Variants in CTTNBP2 observed in about 807,000 individuals in gnomAD.
CTTNBP2 encodes the protein cortactin binding protein 2.
A neutral mutation model predicts 156.9 loss-of-function variants in CTTNBP2; 108 were observed. The observed-to-expected ratio is 0.69, with a 90% CI of 0.59 to 0.81. The LOEUF (loss-of-function observed/expected upper bound fraction) is 0.81. Ranked by LOEUF, CTTNBP2 falls within the 30% of genes least tolerant of loss-of-function variation. CTTNBP2 has a pLI of 0.00. For missense variants in CTTNBP2, 1,924 were observed against 2,035.4 expected (o/e 0.95, Z 1.05); for synonymous variants, 767 against 751.8 (o/e 1.02, Z -0.33).
At chr7:117,825,800 C>T (rs1362179428) in intron 2 of CTTNBP2, among the ~76,000 whole-genome samples, 1 of 152,128 alleles carries the variant, frequency 6.6e-6, no homozygotes, top group Non-Finnish European at 1.5e-5. Context: ...GGCTGGGTAC[C>T]TAAACAAATG....
At chr7:117,743,655 G>A (rs1179143792) in intron 14 of CTTNBP2, among the ~76,000 whole-genome samples, 7 of 150,780 alleles carry the variant, frequency 4.6e-5, no homozygotes, top group Admixed American at 1.3e-4. Flanking sequence ...CCAGCTACTC[G>A]GGAGGCTGAG....
intron 2 of CTTNBP2, among the ~76,000 whole-genome samples, chr7:117,856,853 T>C (rs1171419494): frequency 2.0e-5 from 3 of 152,196 alleles, no homozygotes; most frequent in African/African-American, 7.2e-5. Flanking sequence ...TTTATGATTA[T>C]AGCATTTTCA....
At position 117,724,594 on chromosome 7, in the gene CTTNBP2, C is replaced by T. The variant is rs986082186; in HGVS notation, c.4400G>A (p.Gly1467Asp). The T allele has an allele frequency of 3.1e-6, 5 of 1,614,076 alleles. No individual in the cohort carries two copies. The African/African-American group carries it at 5.3e-5, about 17-fold the overall frequency. ...ATTCCAGGTGGGTAAAGAGAAGCGG[C>T]CAGACTTCCTGCGAGGACTGGTGTT... ...KVNTSPRRKS[G>D]RFSLPTWNKP... Residue 1467 changes from glycine (G) to aspartate (D), a missense_variant, in exon 19 of 23, where the codon GGC becomes GAC. Transcript: ENST00000160373.
At chr7:117,869,012 C>A (rs926812452) in intron 1 of CTTNBP2, among the ~76,000 whole-genome samples, 19 of 152,198 alleles carry the variant, frequency 1.2e-4, no homozygotes, top group Admixed American at 2.6e-4. Context: ...CTCCTCCACA[C>A]CCCAATGGGT....
chr7:117,780,682 A>C, intron 6 of CTTNBP2, 91 bp from the exon 7 acceptor site: 1 of 687,014 alleles, frequency 1.5e-6, no homozygotes, highest in Admixed American at 3.2e-5. Flanking sequence ...AAAAGAAAGC[A>C]ATGTTGCATC....
chr7:117,866,888 A>G (rs1472962448), intron 1 of CTTNBP2, among the ~76,000 whole-genome samples: 4 of 152,194 alleles, frequency 2.6e-5, no homozygotes, highest in Non-Finnish European at 5.9e-5. Context: ...TTAATAGTGC[A>G]TGCCAATAAT....
intron 12 of CTTNBP2, among the ~76,000 whole-genome samples, chr7:117,749,272 C>G (rs1796499141): frequency 6.6e-6 from 1 of 152,114 alleles, no homozygotes; most frequent in Admixed American, 6.5e-5. Context: ...ATGTGTGGAC[C>G]ACCACTGGCT....
intron 20 of CTTNBP2, 44 bp from the exon 21 acceptor site, chr7:117,719,680 T>C (rs1398315304): frequency 2.6e-6 from 4 of 1,564,716 alleles, no homozygotes; most frequent in Non-Finnish European, 1.7e-6. Flanking sequence ...TGAGAACAAT[T>C]CCCAATTTGG....
Position 117,794,877 on chromosome 7 carries a change from C to T in CTTNBP2, c.415-2096G>A, listed in dbSNP as rs1426432678. The stretch of plus-strand genomic sequence containing the variant: ...TCATATACTGTTTTTATATGTATAT[C>T]TTTTTTTTTTTTTTTTTTTTTTTTT... On this transcript the variant is annotated intron_variant, in intron 3 of 22. Transcript: ENST00000160373. Among the ~76,000 whole-genome samples, 234 of 88,240 alleles carry T rather than the reference C, an allele frequency of 2.7e-3. 6 individuals carry two copies. Among genetic ancestry groups the T allele is most frequent in the African/African-American group, 8.5e-3 (161 of 18,926 alleles). The allele number at this position is 88,240 out of a possible 152,430, so 57.9% of individuals were successfully genotyped here.
At chr7:117,724,395 T>C (rs1306306593) in intron 19 of CTTNBP2, 152 bp downstream of exon 19, 5 of 645,536 alleles carry the variant, frequency 7.7e-6, no homozygotes, top group Non-Finnish European at 1.3e-5. Context: ...ATGTACCTAC[T>C]ATATAGTTTA....
At chr7:117,811,673 C>T (rs1427295789) in intron 2 of CTTNBP2, among the ~76,000 whole-genome samples, 6 of 151,996 alleles carry the variant, frequency 3.9e-5, no homozygotes, top group Non-Finnish European at 8.8e-5. Context: ...AAAATTATCT[C>T]TATATCGATA....
chr7:117,836,741 C>T (rs1801973569), intron 2 of CTTNBP2, among the ~76,000 whole-genome samples: 1 of 152,190 alleles, frequency 6.6e-6, no homozygotes, highest in Non-Finnish European at 1.5e-5. Flanking sequence ...AATTAATTCA[C>T]AGTTCCACGT....
At chr7:117,739,497 T>C (rs1795882893) in intron 14 of CTTNBP2, among the ~76,000 whole-genome samples, 1 of 152,220 alleles carries the variant, frequency 6.6e-6, no homozygotes. Context: ...CTCCTGCAGG[T>C]TGGTAATTTT....
At chr7:117,856,311 A>G (rs1584561417) in intron 2 of CTTNBP2, among the ~76,000 whole-genome samples, 1 of 152,142 alleles carries the variant, frequency 6.6e-6, no homozygotes, top group East Asian at 1.9e-4. Flanking sequence ...ATCCTGTTTT[A>G]AGCATGCTGA....
At chr7:117,795,186 C>T (rs34837926) in intron 3 of CTTNBP2, among the ~76,000 whole-genome samples, 6,603 of 134,824 alleles carry the variant, frequency 0.049, 463 homozygotes, top group African/African-American at 0.16. Flanking sequence ...GTGACGACCG[C>T]GCCCGGCCTA....
rs528764514 is a variant in CTTNBP2, at chr7:117,817,004, T to A, written c.190-6015A>T. Among the ~76,000 whole-genome samples, 16 of 151,994 alleles carry A rather than the reference T, an allele frequency of 1.1e-4. 1 individual carries two copies. The highest frequency in any genetic ancestry group is 3.9e-4 in the African/African-American group (16 of 41,460). The stretch of plus-strand genomic sequence containing the variant: ...ACTAGTTTTAATAATAAAAACAGAC[T>A]CTTAAAGGAACTCTTAAACCTAGCC... On this transcript the variant is annotated intron_variant, in intron 2 of 22. Coordinates refer to ENST00000160373, the MANE Select transcript of CTTNBP2 (RefSeq NM_033427.3).
intron 12 of CTTNBP2, among the ~76,000 whole-genome samples, chr7:117,749,513 T>C (rs1230273227): frequency 1.3e-5 from 2 of 152,110 alleles, no homozygotes; most frequent in Admixed American, 1.3e-4. Flanking sequence ...TTAAAGAGAA[T>C]CCACCACCTG....
chr7:117,872,772 C>T (rs1034200402), intron 1 of CTTNBP2, among the ~76,000 whole-genome samples: 2 of 152,118 alleles, frequency 1.3e-5, no homozygotes, highest in African/African-American at 4.8e-5. Context: ...GGCAGCAGCG[C>T]CCACATCTGG....
At chr7:117,777,915 G>A (rs1470003077) in intron 7 of CTTNBP2, 150 bp from the exon 8 acceptor site, 3 of 707,628 alleles carry the variant, frequency 4.2e-6, no homozygotes, top group Non-Finnish European at 7.1e-6. Flanking sequence ...TCACTGATGA[G>A]CTGGGTAAAG....
Sources: allele counts gnomAD v4.1 joint callset (sites outside exome capture counted in the v4.1 genomes callset), GRCh38; gene constraint gnomAD v4.1.1; transcripts MANE v1.5; gene names NCBI Gene and HGNC (gene_info 2026-07-23, HGNC 2026-07-21).